The following CSNK2A2IP variants were observed in gnomAD, a reference collection of about 807,000 sequenced individuals.
The protein encoded by CSNK2A2IP is casein kinase II subunit alpha'-interacting protein.
the CSNK2A2IP span, among the ~76,000 whole-genome samples, chr3:88,391,035 G>C: frequency 6.6e-6 from 1 of 152,116 alleles, no homozygotes; most frequent in Non-Finnish European, 1.5e-5. Context: ...CAGTGTGATT[G>C]GGGCAAATTA....
At chr3:88,447,772 C>T in the CSNK2A2IP span, among the ~76,000 whole-genome samples, 8 of 152,018 alleles carry the variant, frequency 5.3e-5, no homozygotes, top group South Asian at 6.2e-4. Flanking sequence ...CTATGAATAT[C>T]GTCAGAATAC....
chr3:88,418,120 G>A, the CSNK2A2IP span, among the ~76,000 whole-genome samples: 15 of 152,118 alleles, frequency 9.9e-5, no homozygotes, highest in African/African-American at 3.1e-4. Flanking sequence ...AAAATCCATC[G>A]AACAAACTCA....
chr3:88,358,350 C>T, the CSNK2A2IP span, among the ~76,000 whole-genome samples: 43 of 152,108 alleles, frequency 2.8e-4, no homozygotes, highest in Non-Finnish European at 5.0e-4. Flanking sequence ...ATTACTTCGG[C>T]TAAGACTTCC....
At chr3:88,388,238 A>T in the CSNK2A2IP span, among the ~76,000 whole-genome samples, 1 of 152,182 alleles carries the variant, frequency 6.6e-6, no homozygotes, top group Non-Finnish European at 1.5e-5. Context: ...AAACACTCAC[A>T]TACTATTATT....
the CSNK2A2IP span, among the ~76,000 whole-genome samples, chr3:88,460,289 T>C: frequency 6.6e-6 from 1 of 152,208 alleles, no homozygotes; most frequent in Non-Finnish European, 1.5e-5. Flanking sequence ...GGAAGTGTCA[T>C]TTTGCCAAGT....
chr3:88,455,344 T>C, the CSNK2A2IP span, among the ~76,000 whole-genome samples: 2 of 151,902 alleles, frequency 1.3e-5, no homozygotes, highest in African/African-American at 4.8e-5. Flanking sequence ...GTAGGTTCTT[T>C]TTTCCCCACA....
At chr3:88,452,791 A>T in the CSNK2A2IP span, among the ~76,000 whole-genome samples, 1 of 152,146 alleles carries the variant, frequency 6.6e-6, no homozygotes, top group Non-Finnish European at 1.5e-5. Flanking sequence ...CACATAGCTT[A>T]CAAGATTGGT....
the CSNK2A2IP span, among the ~76,000 whole-genome samples, chr3:88,365,915 C>T: frequency 6.6e-6 from 1 of 152,138 alleles, no homozygotes; most frequent in South Asian, 2.1e-4. Flanking sequence ...TTATTATTAT[C>T]ATTTTAATGA....
chr3:88,342,550 G>T, the CSNK2A2IP span, among the ~76,000 whole-genome samples: 1 of 151,830 alleles, frequency 6.6e-6, no homozygotes, highest in Non-Finnish European at 1.5e-5. Flanking sequence ...AGGTCTGCCC[G>T]GTTGATGGAT....
the CSNK2A2IP span, among the ~76,000 whole-genome samples, chr3:88,426,939 A>C: frequency 6.6e-6 from 1 of 151,750 alleles, no homozygotes; most frequent in Non-Finnish European, 1.5e-5. Flanking sequence ...AAAATGTGGA[A>C]GCAGCTTTGG....
At chr3:88,376,394 C>T in the CSNK2A2IP span, among the ~76,000 whole-genome samples, 1,625 of 151,694 alleles carry the variant, frequency 0.011, 42 homozygotes, top group African/African-American at 0.038. Flanking sequence ...ATACTGAGGA[C>T]TTTTGATCTT....
the CSNK2A2IP span, among the ~76,000 whole-genome samples, chr3:88,362,314 T>A: frequency 6.6e-6 from 1 of 152,192 alleles, no homozygotes. Context: ...AGCTTTTTCA[T>A]CACTAGGGAG....
chr3:88,381,903 C>T, the CSNK2A2IP span, among the ~76,000 whole-genome samples: 2 of 152,140 alleles, frequency 1.3e-5, no homozygotes, highest in Non-Finnish European at 2.9e-5. Flanking sequence ...TAAATATCCA[C>T]ACCTTTTCAT....
At chr3:88,356,900 T>G in the CSNK2A2IP span, among the ~76,000 whole-genome samples, 3 of 152,208 alleles carry the variant, frequency 2.0e-5, no homozygotes, top group Non-Finnish European at 4.4e-5. Flanking sequence ...TGTCCTCTTT[T>G]GAGAAATGTC....
the CSNK2A2IP span, among the ~76,000 whole-genome samples, chr3:88,358,765 C>T: frequency 9.0e-3 from 1,364 of 152,060 alleles, 16 homozygotes; most frequent in African/African-American, 0.031. Flanking sequence ...TTTGCATGTG[C>T]GTTCATCAGA....
At chr3:88,379,610 C>T in the CSNK2A2IP span, among the ~76,000 whole-genome samples, 1 of 152,092 alleles carries the variant, frequency 6.6e-6, no homozygotes, top group African/African-American at 2.4e-5. Flanking sequence ...CCCCTTTAGT[C>T]CTGTGAATTA....
the CSNK2A2IP span, among the ~76,000 whole-genome samples, chr3:88,364,209 C>A: frequency 6.6e-6 from 1 of 151,944 alleles, no homozygotes; most frequent in Non-Finnish European, 1.5e-5. Flanking sequence ...TCCCATCTCT[C>A]GGGGATCCCT....
At chr3:88,342,307 G>A in the CSNK2A2IP span, among the ~76,000 whole-genome samples, 5 of 151,948 alleles carry the variant, frequency 3.3e-5, no homozygotes, top group Non-Finnish European at 7.4e-5. Flanking sequence ...ATAGCAAGTC[G>A]GGGTGTAAAC....
the CSNK2A2IP span, among the ~76,000 whole-genome samples, chr3:88,416,401 C>T: frequency 6.6e-6 from 1 of 152,038 alleles, no homozygotes; most frequent in Non-Finnish European, 1.5e-5. Context: ...CATCTTTTTA[C>T]AGAGTCAAGA....
Sources: allele counts gnomAD v4.1 joint callset (sites outside exome capture counted in the v4.1 genomes callset), GRCh38; gene constraint gnomAD v4.1.1; transcripts MANE v1.5; gene names NCBI Gene and HGNC (gene_info 2026-07-23, HGNC 2026-07-21).